Variants in MARCHF3 observed in about 807,000 individuals in gnomAD.
MARCHF3 encodes membrane associated ring-CH-type finger 3.
A neutral mutation model predicts 24.2 loss-of-function variants in MARCHF3; 13 were observed. The ratio of observed to expected loss-of-function variants is 0.54; its 90% confidence interval spans 0.35 to 0.85. The LOEUF is 0.85. Among genes scored for constraint, MARCHF3 ranks in the 40% least tolerant of loss-of-function variants. The probability of loss-of-function intolerance (pLI) is 0.01; values close to 1 mark genes in which losing one functional copy is unlikely to be tolerated. For missense variants in MARCHF3, 276 were observed against 325.0 expected (o/e 0.85, Z 1.16); for synonymous variants, 144 against 137.3 (o/e 1.05, Z -0.34).
At chr5:126,928,487 T>C in intron 1 of MARCHF3, among the ~76,000 whole-genome samples, 1 of 152,228 alleles carries the variant, frequency 6.6e-6, no homozygotes, top group Non-Finnish European at 1.5e-5. Flanking sequence ...CAAAAAAATT[T>C]TTTTTAAAAT....
intron 3 of MARCHF3, among the ~76,000 whole-genome samples, chr5:126,900,331 C>G (rs1580617575): frequency 6.6e-6 from 1 of 152,050 alleles, no homozygotes; most frequent in East Asian, 1.9e-4. Context: ...TTTTGAAATC[C>G]TAACCCTCAA....
At chr5:126,928,166 TA>T (rs1340170555) in intron 1 of MARCHF3, among the ~76,000 whole-genome samples, 31 of 152,312 alleles carry the variant, frequency 2.0e-4, no homozygotes, top group Non-Finnish European at 4.1e-4. Flanking sequence ...TTTTATGGGC[TA>T]AAAAAATCTC....
At chr5:127,027,525 C>T (rs754588448) in intron 1 of MARCHF3, among the ~76,000 whole-genome samples, 4 of 152,142 alleles carry the variant, frequency 2.6e-5, no homozygotes, top group East Asian at 1.9e-4. Flanking sequence ...AGGACCCCAC[C>T]GAACTCAGAG....
At chr5:126,974,149 A>G (rs112092355) in intron 1 of MARCHF3, among the ~76,000 whole-genome samples, 7,685 of 151,934 alleles carry the variant, frequency 0.051, 359 homozygotes, top group South Asian at 0.13. Context: ...CACCCGCCTC[A>G]GCCTCCCAAA....
chr5:126,918,684 A>AAAG (rs1472922551), intron 1 of MARCHF3, among the ~76,000 whole-genome samples: 1 of 152,226 alleles, frequency 6.6e-6, no homozygotes, highest in African/African-American at 2.4e-5. Context: ...ACTAAGATTA[A>AAAG]AAGGAGAGAG....
At chr5:126,960,618 C>T (rs1750608494) in intron 1 of MARCHF3, among the ~76,000 whole-genome samples, 1 of 152,000 alleles carries the variant, frequency 6.6e-6, no homozygotes, top group African/African-American at 2.4e-5. Context: ...ATCTGCCTGC[C>T]TCCAGCTGTA....
chr5:126,925,248 G>T (rs1348014061), intron 1 of MARCHF3, among the ~76,000 whole-genome samples: 11 of 152,124 alleles, frequency 7.2e-5, no homozygotes, highest in Admixed American at 2.0e-4. Flanking sequence ...AACCTGACCA[G>T]CATAAAGCAA....
rs367873086 is a variant in MARCHF3, at chr5:126,891,570, C to G, written c.394-13176G>C. ...AATCCTTTCCCCATTGCTTGTTTTT[C>G]TCAGGTTTGTCAAAGATCAGATAGT... On this transcript the variant is annotated intron_variant, in intron 3 of 4. Transcript: ENST00000308660. 6.7e-3 allele frequency among the ~76,000 whole-genome samples: 811 copies of G among 121,290 alleles called. 4 individuals carry two copies. Among genetic ancestry groups the G allele is most frequent in the Middle Eastern group, 0.06 (15 of 252 alleles). The allele number at this position is 121,290 out of a possible 152,430, so 79.6% of individuals were successfully genotyped here.
chr5:126,952,064 C>G (rs1239623502), intron 1 of MARCHF3, among the ~76,000 whole-genome samples: 1 of 152,152 alleles, frequency 6.6e-6, no homozygotes, highest in African/African-American at 2.4e-5. Context: ...TCAGGCTGGT[C>G]TCGAACTCCT....
chr5:126,946,643 G>T (rs1158346435), intron 1 of MARCHF3, among the ~76,000 whole-genome samples: 5 of 152,076 alleles, frequency 3.3e-5, no homozygotes, highest in African/African-American at 1.2e-4. Context: ...AGTAAAAATG[G>T]ATGCTCCTTG....
intron 1 of MARCHF3, among the ~76,000 whole-genome samples, chr5:127,010,796 T>A (rs1299839925): frequency 6.6e-6 from 1 of 152,204 alleles, no homozygotes; most frequent in Non-Finnish European, 1.5e-5. Context: ...TTATACCAAC[T>A]GTAATGTTGG....
At chr5:126,925,869 G>T (rs1236643710) in intron 1 of MARCHF3, among the ~76,000 whole-genome samples, 2 of 152,198 alleles carry the variant, frequency 1.3e-5, no homozygotes, top group Admixed American at 1.3e-4. Context: ...TATTCAGTGT[G>T]ACCAGCAGCA....
chr5:127,002,140 AT>A (rs150457692), intron 1 of MARCHF3, among the ~76,000 whole-genome samples: 2,134 of 152,302 alleles, frequency 0.014, 60 homozygotes, highest in African/African-American at 0.048. Flanking sequence ...AACCAACAAT[AT>A]CCAGCCACCA....
chr5:126,928,766 T>C (rs1749382804), intron 1 of MARCHF3, among the ~76,000 whole-genome samples: 1 of 152,224 alleles, frequency 6.6e-6, no homozygotes, highest in Admixed American at 6.5e-5. Context: ...AATGTATATA[T>C]GCCAATCTAA....
At chr5:127,027,263 A>C (rs908183728) in intron 1 of MARCHF3, among the ~76,000 whole-genome samples, 2 of 152,164 alleles carry the variant, frequency 1.3e-5, no homozygotes, top group Non-Finnish European at 2.9e-5. Context: ...GACTTTCAGA[A>C]AGTAAGAATC....
intron 3 of MARCHF3, among the ~76,000 whole-genome samples, chr5:126,901,096 A>T (rs773671612): frequency 2.0e-5 from 3 of 152,100 alleles, no homozygotes; most frequent in African/African-American, 4.8e-5. Flanking sequence ...TCTGAGTTGC[A>T]GCTTCCTTAT....
At chr5:127,022,655 C>A (rs1278064750) in intron 1 of MARCHF3, among the ~76,000 whole-genome samples, 1 of 152,152 alleles carries the variant, frequency 6.6e-6, no homozygotes, top group Non-Finnish European at 1.5e-5. Flanking sequence ...CCTCCCAACC[C>A]CCGGATCCAA....
chr5:127,006,329 C>T (rs557528307), intron 1 of MARCHF3, among the ~76,000 whole-genome samples: 3 of 151,982 alleles, frequency 2.0e-5, no homozygotes, highest in African/African-American at 7.2e-5. Flanking sequence ...TTAAAAATCT[C>T]GCTTTAATTA....
At chr5:126,935,902 C>T (rs1749632144) in intron 1 of MARCHF3, among the ~76,000 whole-genome samples, 1 of 152,098 alleles carries the variant, frequency 6.6e-6, no homozygotes, top group South Asian at 2.1e-4. Context: ...TGAGCCACCA[C>T]ACCTGGCCTA....
Sources: allele counts gnomAD v4.1 joint callset (sites outside exome capture counted in the v4.1 genomes callset), GRCh38; gene constraint gnomAD v4.1.1; transcripts MANE v1.5; gene names NCBI Gene and HGNC (gene_info 2026-07-23, HGNC 2026-07-21).